Variants in TTC22 observed in about 807,000 individuals in gnomAD.
TTC22 encodes tetratricopeptide repeat domain 22.
A neutral mutation model predicts 48.2 loss-of-function variants in TTC22; 42 were observed. The observed-to-expected ratio is 0.87, with a 90% CI of 0.68 to 1.13. The LOEUF (loss-of-function observed/expected upper bound fraction) is 1.13. TTC22 is among the 50% of genes most tolerant of loss of function. The probability of loss-of-function intolerance (pLI) is 0.00; values close to 1 mark genes in which losing one functional copy is unlikely to be tolerated. For missense variants in TTC22, 784 were observed against 807.0 expected, an observed-to-expected ratio of 0.97 and a Z score of 0.34; for synonymous variants, 345 against 365.5, an observed-to-expected ratio of 0.94 and a Z score of 0.64.
At chr1:54,795,604 C>A (rs1039107478) in intron 1 of TTC22, among the ~76,000 whole-genome samples, 1 of 152,168 alleles carries the variant, frequency 6.6e-6, no homozygotes, top group Non-Finnish European at 1.5e-5. Context: ...AAGTCTCTTA[C>A]CCTCTGCAGT....
Position 54,800,607 on chromosome 1 carries a change from T to C in TTC22, c.557A>G (p.Tyr186Cys). 1 of 1,529,972 alleles carries C rather than the reference T, an allele frequency of 6.5e-7. No individual in the cohort carries two copies. Among genetic ancestry groups the C allele is most frequent in the Admixed American group, 2.1e-5 (1 of 47,994 alleles). 94.8% of individuals were successfully genotyped at this position (1,529,972 alleles called of 1,614,324 possible). The change falls in exon 1 of 7, where the codon TAC becomes TGC. Residue 186 changes from tyrosine to cysteine, a missense_variant. Tyr to Cys is a radical substitution (Grantham distance 194). Coordinates refer to ENST00000371276, the MANE Select transcript of TTC22 (RefSeq NM_001114108.2). ...ACAGGGGTCACCTACCTGCTGCCCG[T>C]AGCCTAGCGCCTTGTCGTAGAGCGC... Reference protein sequence around the residue: ...GIALYDKALGYGQQIPMEEKR... With the variant: ...GIALYDKALGCGQQIPMEEKR...
intron 3 of TTC22, 189 bp downstream of exon 3, chr1:54,787,522 T>C (rs1292837268): frequency 6.6e-6 from 4 of 609,230 alleles, no homozygotes; most frequent in Non-Finnish European, 8.9e-6. Context: ...CACAGTGACT[T>C]GTAGTTGGCA....
intron 5 of TTC22, 134 bp from the exon 6 acceptor site, chr1:54,782,611 G>T: frequency 1.0e-6 from 1 of 986,030 alleles, no homozygotes; most frequent in South Asian, 1.8e-5. Context: ...AGACCCTGAG[G>T]CCAGGACCCA....
intron 1 of TTC22, among the ~76,000 whole-genome samples, chr1:54,797,557 A>G (rs1400284343): frequency 6.6e-6 from 1 of 152,164 alleles, no homozygotes; most frequent in Non-Finnish European, 1.5e-5. Flanking sequence ...CTGAGCTGAG[A>G]GAATTGCTTG....
chr1:54,796,098 C>A (rs1453876817), intron 1 of TTC22, among the ~76,000 whole-genome samples: 1 of 152,286 alleles, frequency 6.6e-6, no homozygotes, highest in Non-Finnish European at 1.5e-5. Flanking sequence ...CCTGGGATAT[C>A]ATCCAGCTTC....
chr1:54,800,514 A>G lies in TTC22; in HGVS notation c.567+83T>C, dbSNP rs929660964. On this transcript the variant is annotated intron_variant, in intron 1 of 6. Coordinates refer to ENST00000371276, the MANE Select transcript of TTC22 (RefSeq NM_001114108.2). ...CCATGGTTGAGAGAGAGTCAGGGGTACCGGGGCATCTCTGCAGACAGAAGG... is the reference window on the plus strand; with the variant it reads ...CCATGGTTGAGAGAGAGTCAGGGGTGCCGGGGCATCTCTGCAGACAGAAGG... The G allele has an allele frequency of 2.5e-6, 3 of 1,201,046 alleles. No homozygotes were observed. In the South Asian group the frequency reaches 5.2e-5, roughly 21 times the overall value. The allele number at this position is 1,201,046 out of a possible 1,614,324, so 74.4% of individuals were successfully genotyped here.
intron 3 of TTC22, 160 bp downstream of exon 3, chr1:54,787,551 A>G: frequency 3.1e-6 from 2 of 640,564 alleles, no homozygotes; most frequent in Non-Finnish European, 5.6e-6. Flanking sequence ...TGGGCAAGGT[A>G]TGTGGGCTCC....
At chr1:54,789,909 TCA>T (rs1455271186) in intron 1 of TTC22, among the ~76,000 whole-genome samples, 1 of 152,108 alleles carries the variant, frequency 6.6e-6, no homozygotes, top group East Asian at 1.9e-4. Context: ...GTGCAAAAGC[TCA>T]GAGAAGAGCG....
At chr1:54,797,612 C>T (rs1271771406) in intron 1 of TTC22, among the ~76,000 whole-genome samples, 1 of 152,080 alleles carries the variant, frequency 6.6e-6, no homozygotes, top group Non-Finnish European at 1.5e-5. Flanking sequence ...CGTGCCATTG[C>T]ACTCTAGACT....
chr1:54,781,667 G>T lies in TTC22; in HGVS notation c.1286C>A (p.Ala429Asp). 1 of 1,530,848 alleles carries T rather than the reference G, an allele frequency of 6.5e-7. No homozygotes were observed. Among genetic ancestry groups the T allele is most frequent in the East Asian group, 2.5e-5 (1 of 40,470 alleles). The allele number at this position is 1,530,848 out of a possible 1,614,324, so 94.8% of individuals were successfully genotyped here. The change falls in exon 7 of 7, where the codon GCC (alanine) becomes GAC (aspartate). Residue 429 changes from alanine (A) to aspartate (D), a missense_variant. Physicochemically the swap from Ala to Asp is moderately radical, Grantham distance 126. Transcript: ENST00000371276. ...LAKAGESELG[A>D]TLPELQLLRG... ...CAGCAGCTGCAGCTCGGGCAGCGTG[G>T]CACCCAGCTCCGACTCGCCCGCCTT...
At position 54,801,100 on chromosome 1, in the gene TTC22, G is replaced by A. The variant is rs1344065041; in HGVS notation, c.64C>T (p.Pro22Ser). 6.2e-7 allele frequency: 1 copy of A among 1,611,746 alleles called. No individual in the cohort carries two copies. Among genetic ancestry groups the A allele is most frequent in the African/African-American group, 1.3e-5 (1 of 74,904 alleles). Residue 22 changes from proline (P) to serine (S), a missense_variant, in exon 1 of 7, where the codon CCG becomes TCG. Transcript: ENST00000371276. ...DALIDDLDYL[P>S]GHFHLEMQLN... ...TGCATCTCCAGGTGAAAGTGGCCCG[G>A]GAGGTAGTCCAGGTCGTCGATGAGG...
At chr1:54,787,640 G>A (rs1437053861) in intron 3 of TTC22, 71 bp downstream of exon 3, 3 of 1,106,376 alleles carry the variant, frequency 2.7e-6, no homozygotes, top group African/African-American at 1.5e-5. Flanking sequence ...AATGCCAGAG[G>A]TGGATGCAAT....
chr1:54,786,055 T>C lies in TTC22; in HGVS notation c.948A>G (p.Gly316=), dbSNP rs756111986. Residue 316 remains glycine, a synonymous_variant, in exon 5 of 7, where the codon GGA becomes GGG. Transcript: ENST00000371276. ...GGACATCCAGGGCCATGTTGCAGGT[T>C]CCAATGGCCATATCCTGCTTTCCCA... ...YFLGKQDMAI[G]TCNMALDVLR... is the part of the protein sequence containing the mutation. The C allele has an allele frequency of 2.5e-6, 4 of 1,614,054 alleles. No homozygotes were observed. In the South Asian group the frequency reaches 4.4e-5, roughly 18 times the overall value.
intron 1 of TTC22, 81 bp downstream of exon 1, chr1:54,800,516 C>T (rs1053310978): frequency 2.5e-6 from 3 of 1,222,876 alleles, no homozygotes; most frequent in South Asian, 1.7e-5. Flanking sequence ...TCAGGGGTAC[C>T]GGGGCATCTC....
At chr1:54,784,402 G>A (rs1646284497) in intron 5 of TTC22, 1 of 298,546 alleles carries the variant, frequency 3.3e-6, no homozygotes, top group Admixed American at 6.5e-5. Context: ...AGGGAGGAGA[G>A]TAAAGTTGGA....
At chr1:54,800,507 CA>C in intron 1 of TTC22, 89 bp downstream of exon 1, 1 of 1,166,744 alleles carries the variant, frequency 8.6e-7, no homozygotes, top group Non-Finnish European at 1.1e-6. Context: ...GAGAGAGAGT[CA>C]GGGGTACCGG....
In TTC22 at chr1:54,787,786, T is replaced by C. The variant is rs766438965; in HGVS notation, c.664A>G (p.Lys222Glu). The C allele has an allele frequency of 4.3e-5, 70 of 1,613,066 alleles. 1 individual carries two copies. The East Asian group carries it at 1.4e-3, about 32-fold the overall frequency. Residue 222 changes from lysine to glutamate, a missense_variant, in exon 3 of 7, where the codon AAG becomes GAG. Physicochemically the swap from Lys to Glu is moderately conservative, Grantham distance 56. Transcript: ENST00000371276. ...GTGCGGTTGAAGGCAGGCAGTCTCT[T>C]CTGCTCCTCACTGCCCAGCTCCAGG... ...IFLELGSEEQ[K>E]RLPAFNRTLA...
intron 1 of TTC22, among the ~76,000 whole-genome samples, chr1:54,799,400 G>C (rs560894034): frequency 5.3e-5 from 8 of 152,278 alleles, no homozygotes; most frequent in African/African-American, 1.7e-4. Context: ...CCTCCTAAGA[G>C]CAGGAAAGTG....
intron 5 of TTC22, among the ~76,000 whole-genome samples, chr1:54,784,232 T>G (rs12045885): frequency 6.6e-6 from 1 of 152,018 alleles, no homozygotes; most frequent in Admixed American, 6.6e-5. Flanking sequence ...GCCACGCTTA[T>G]GGGCCGCAGC....
Sources: gnomAD v4.1 joint callset for allele counts (sites outside exome capture counted in the v4.1 genomes callset) on GRCh38, gnomAD v4.1.1 for gene constraint, MANE v1.5 for transcripts, NCBI Gene and HGNC (gene_info 2026-07-23, HGNC 2026-07-21) for gene names.